The following TMEFF1 variants were observed in gnomAD, a reference collection of about 807,000 sequenced individuals.
TMEFF1 encodes the protein transmembrane protein with EGF like and two follistatin like domains 1, also known as tomoregulin-1.
In TMEFF1, 20 loss-of-function variants were observed where a neutral mutation model predicts 47.5. That is an observed-to-expected ratio of 0.42 (90% confidence interval 0.30 to 0.61). The LOEUF is 0.61. Ranked by LOEUF, TMEFF1 falls within the 20% of genes least tolerant of loss-of-function variation. The pLI, the probability that TMEFF1 is intolerant of heterozygous loss-of-function variation, is 0.19. For missense variants in TMEFF1, 411 were observed against 471.1 expected (o/e 0.87, Z 1.18); for synonymous variants, 162 against 166.3 (o/e 0.97, Z 0.20).
rs1266720805 is a variant in TMEFF1, at chr9:100,572,672, A to G, written c.1054A>G (p.Thr352Ala). 6.2e-7 allele frequency: 1 copy of G among 1,605,080 alleles called. No individual in the cohort carries two copies. Residue 352 changes from threonine (T) to alanine (A), a missense_variant, in exon 9 of 10, where the codon ACA becomes GCA. Transcript: ENST00000374879. ...CATAGTAGCAATTGTAATGTGCATA[A>G]CAAGGTAGGTAATGATGTAAGAAAT... ...AIIVAIVMCI[T>A]RKCPKNNRGR...
At chr9:100,505,127 A>G (rs1837831904) in intron 2 of TMEFF1, among the ~76,000 whole-genome samples, 1 of 152,094 alleles carries the variant, frequency 6.6e-6, no homozygotes, top group Admixed American at 6.6e-5. Flanking sequence ...AAAAAATTAA[A>G]AGCAGGTCGG....
In TMEFF1 at chr9:100,503,594, G is replaced by A. The variant is rs115337386; in HGVS notation, c.306+4720G>A. ...CACACACACGAATGTGAGAGCGAGCGAGCAATAAGGAATTAGCTCATTTGA... is the reference window on the plus strand; with the variant it reads ...CACACACACGAATGTGAGAGCGAGCAAGCAATAAGGAATTAGCTCATTTGA... On this transcript the variant is annotated intron_variant, in intron 2 of 9. Transcript: ENST00000374879. Among the ~76,000 whole-genome samples, 1,016 of 151,526 alleles carry A rather than the reference G, an allele frequency of 6.7e-3. 11 individuals are homozygous for A. Among genetic ancestry groups the A allele is most frequent in the African/African-American group, 0.023 (944 of 41,300 alleles).
chr9:100,509,267 A>T, intron 3 of TMEFF1, 133 bp downstream of exon 3: 2 of 1,265,706 alleles, frequency 1.6e-6, no homozygotes, highest in Non-Finnish European at 2.0e-6. Context: ...GAGTAGGGGA[A>T]ATCTTTTTTG....
chr9:100,473,630 T>A lies in TMEFF1; in HGVS notation c.86T>A (p.Leu29His), dbSNP rs762424812. Residue 29 changes from leucine to histidine, a missense_variant, in exon 1 of 10, where the codon CTC becomes CAC. Physicochemically the swap from Leu to His is moderately conservative, Grantham distance 99 (BLOSUM62 -3). Coordinates refer to ENST00000374879, the MANE Select transcript of TMEFF1 (RefSeq NM_003692.5). This position sits in a 1 kb window ranked among gnomAD's most constrained non-coding sequence, Gnocchi z 5.4. ...TGCTGCTACACGTCGGTGCTTCTGC[T>A]CTTCGCCTTCTCTCTGCCCGGGAGC... is the stretch of plus-strand genomic sequence containing the variant. ...AFCCYTSVLL[L>H]FAFSLPGSRA... The A allele has an allele frequency of 4.2e-5, 65 of 1,558,036 alleles. No individual in the cohort carries two copies. Among genetic ancestry groups the A allele is most frequent in the Non-Finnish European group, 2.6e-6 (3 of 1,152,202 alleles).
chr9:100,530,441 G>T (rs894032647), intron 5 of TMEFF1, among the ~76,000 whole-genome samples: 4 of 152,110 alleles, frequency 2.6e-5, no homozygotes, highest in African/African-American at 7.2e-5. Context: ...ACTACCATCA[G>T]AGAATACTAC....
chr9:100,507,273 A>G (rs1030190320), intron 2 of TMEFF1, among the ~76,000 whole-genome samples: 5 of 152,254 alleles, frequency 3.3e-5, no homozygotes, highest in Admixed American at 6.5e-5. Flanking sequence ...TTGGGCACCT[A>G]GATTGATTCC....
At chr9:100,565,508 C>T (rs1459526365) in intron 8 of TMEFF1, among the ~76,000 whole-genome samples, 4 of 152,130 alleles carry the variant, frequency 2.6e-5, no homozygotes, top group East Asian at 1.9e-4. Flanking sequence ...ACATACCGAT[C>T]GGTCTCAAGG....
intron 1 of TMEFF1, among the ~76,000 whole-genome samples, chr9:100,479,507 A>G (rs1432760722): frequency 6.6e-6 from 1 of 152,180 alleles, no homozygotes; most frequent in African/African-American, 2.4e-5. Flanking sequence ...AAGAAACCTC[A>G]TAGCTATTAA....
In TMEFF1 at chr9:100,473,822, G is replaced by A; in HGVS notation, c.196+82G>A. 7.3e-7 allele frequency: 1 copy of A among 1,372,774 alleles called. No individual in the cohort carries two copies. The highest frequency in any genetic ancestry group is 9.5e-7 in the Non-Finnish European group (1 of 1,057,362). 85.0% of individuals were successfully genotyped at this position (1,372,774 alleles called of 1,614,324 possible). On this transcript the variant is annotated intron_variant, in intron 1 of 9. Transcript: ENST00000374879. The surrounding 1 kb of genome is among the most constrained non-coding windows in gnomAD (Gnocchi z 5.4). ...CGTGGTCCCTGCGGTCGGCCGGGCT[G>A]GGAAAGACCCCGTCGTGGGGGTCCC...
chr9:100,528,603 A>G (rs1302912884), intron 5 of TMEFF1, among the ~76,000 whole-genome samples: 2 of 136,642 alleles, frequency 1.5e-5, no homozygotes, highest in African/African-American at 5.7e-5. Flanking sequence ...AAAAGACCAA[A>G]TCTACGTCTG....
intron 5 of TMEFF1, among the ~76,000 whole-genome samples, chr9:100,534,220 C>G (rs1225240411): frequency 6.6e-6 from 1 of 152,150 alleles, no homozygotes; most frequent in Non-Finnish European, 1.5e-5. Flanking sequence ...TCATGTGGTA[C>G]TTTCCATGCT....
intron 7 of TMEFF1, among the ~76,000 whole-genome samples, chr9:100,553,215 C>T (rs1004439083): frequency 3.3e-5 from 5 of 152,104 alleles, no homozygotes; most frequent in African/African-American, 7.2e-5. Context: ...GGATGAAAGA[C>T]GAAACCCAAA....
intron 5 of TMEFF1, among the ~76,000 whole-genome samples, chr9:100,518,203 A>G (rs1046529281): frequency 5.3e-5 from 8 of 152,172 alleles, no homozygotes; most frequent in African/African-American, 1.9e-4. Flanking sequence ...GCAATGGCTC[A>G]TGTCTGTAAT....
chr9:100,518,363 T>A, intron 5 of TMEFF1: 1 of 881,934 alleles, frequency 1.1e-6, no homozygotes, highest in South Asian at 5.2e-5. Context: ...TTGTGTTTAC[T>A]AAATTAATTT....
At chr9:100,542,149 T>C (rs1434906735) in intron 5 of TMEFF1, among the ~76,000 whole-genome samples, 1 of 152,146 alleles carries the variant, frequency 6.6e-6, no homozygotes, top group African/African-American at 2.4e-5. Flanking sequence ...GTTTTGAAGT[T>C]ATGGATTTTC....
chr9:100,559,225 A>C (rs1018762948), intron 7 of TMEFF1, among the ~76,000 whole-genome samples: 4 of 152,208 alleles, frequency 2.6e-5, no homozygotes, highest in Admixed American at 2.6e-4. Context: ...AGTGCTCAGG[A>C]TCATAGCAGC....
rs1254940185 is a variant in TMEFF1, at chr9:100,572,563, T to C, written c.945T>C (p.Phe315=). Residue 315 remains phenylalanine (F), a synonymous_variant, in exon 9 of 10, where the codon TTT becomes TTC. Coordinates refer to ENST00000374879, the MANE Select transcript of TMEFF1 (RefSeq NM_003692.5). ...GACAGCACTGTGAAAAGACAGACTT[T>C]AGTATTCTCTATGTAGTGCCAAGTA... ...YTGQHCEKTD[F]SILYVVPSRQ... is the part of the protein sequence containing the mutation. The C allele has an allele frequency of 1.1e-5, 17 of 1,613,442 alleles. No homozygotes were observed. Among genetic ancestry groups the C allele is most frequent in the Non-Finnish European group, 1.4e-5 (17 of 1,179,666 alleles).
intron 2 of TMEFF1, among the ~76,000 whole-genome samples, chr9:100,506,348 A>G (rs1487851240): frequency 9.2e-5 from 14 of 152,156 alleles, no homozygotes; most frequent in Non-Finnish European, 1.6e-4. Flanking sequence ...TTTTACATGT[A>G]TTCATTTTTT....
chr9:100,476,518 C>T (rs1157113632), intron 1 of TMEFF1, among the ~76,000 whole-genome samples: 4 of 151,890 alleles, frequency 2.6e-5, no homozygotes, highest in South Asian at 2.1e-4. Flanking sequence ...CCTCAGCCTC[C>T]GGAGTAGCTG....
Sources: gnomAD v4.1 joint callset for allele counts (sites outside exome capture counted in the v4.1 genomes callset) on GRCh38, gnomAD v4.1.1 for gene constraint, Gnocchi (gnomAD v3.1) non-coding constraint, MANE v1.5 for transcripts, NCBI Gene and HGNC (gene_info 2026-07-23, HGNC 2026-07-21) for gene names.